Variants in GRIA4 observed in about 807,000 individuals in gnomAD.
The protein encoded by GRIA4 is glutamate ionotropic receptor AMPA type subunit 4, also known as glutamate receptor 4.
In GRIA4, 34 loss-of-function variants were observed where a neutral mutation model predicts 104.0. That is an observed-to-expected ratio of 0.33 (90% CI 0.25 to 0.44). GRIA4 has a LOEUF of 0.44. Ranked by LOEUF, GRIA4 falls within the 20% of genes least tolerant of loss-of-function variation. The pLI, the probability that GRIA4 is intolerant of heterozygous loss-of-function variation, is 1.00. For missense variants in GRIA4, 750 were observed against 1,096.5 expected (o/e 0.68, Z 4.46); for synonymous variants, 386 against 381.9 (o/e 1.01, Z -0.13).
At chr11:105,781,632 C>A (rs970960896) in intron 4 of GRIA4, among the ~76,000 whole-genome samples, 1 of 152,054 alleles carries the variant, frequency 6.6e-6, no homozygotes, top group African/African-American at 2.4e-5. Flanking sequence ...AAAAAATTTA[C>A]CTCATTGGTA....
chr11:105,620,806 A>C (rs1950724432), intron 3 of GRIA4, among the ~76,000 whole-genome samples: 1 of 151,838 alleles, frequency 6.6e-6, no homozygotes, highest in Non-Finnish European at 1.5e-5. Context: ...TTTTTATAGA[A>C]AAATTATTTG....
intron 4 of GRIA4, among the ~76,000 whole-genome samples, chr11:105,809,440 T>C (rs1383188909): frequency 1.3e-5 from 2 of 152,186 alleles, no homozygotes; most frequent in Non-Finnish European, 2.9e-5. Context: ...ATTGTGCTAC[T>C]AATATGGTTT....
intron 4 of GRIA4, among the ~76,000 whole-genome samples, chr11:105,773,053 G>T (rs1308603921): frequency 6.6e-6 from 1 of 152,108 alleles, no homozygotes; most frequent in East Asian, 1.9e-4. Context: ...AAGCCACAGA[G>T]AATTTTAAGC....
At chr11:105,794,771 T>C (rs1424824730) in intron 4 of GRIA4, among the ~76,000 whole-genome samples, 1 of 151,218 alleles carries the variant, frequency 6.6e-6, no homozygotes, top group African/African-American at 2.4e-5. Flanking sequence ...AACTTCTAGA[T>C]AGGAAAAAAA....
chr11:105,661,569 A>C (rs767297104), intron 3 of GRIA4, among the ~76,000 whole-genome samples: 1 of 151,766 alleles, frequency 6.6e-6, no homozygotes, highest in Non-Finnish European at 1.5e-5. Flanking sequence ...ATCATATTAC[A>C]TAAGAAAATG....
At chr11:105,818,943 C>G (rs1043296062) in intron 4 of GRIA4, among the ~76,000 whole-genome samples, 5 of 152,038 alleles carry the variant, frequency 3.3e-5, no homozygotes, top group African/African-American at 1.2e-4. Context: ...AGTCAAGCTA[C>G]GTTAATTAGG....
At chr11:105,923,172 G>A (rs1186579822) in intron 11 of GRIA4, among the ~76,000 whole-genome samples, 1 of 152,102 alleles carries the variant, frequency 6.6e-6, no homozygotes, top group Non-Finnish European at 1.5e-5. Context: ...GAATTTGTAT[G>A]TCTGAGCATG....
At chr11:105,845,416 T>G (rs1944546775) in intron 4 of GRIA4, among the ~76,000 whole-genome samples, 1 of 152,134 alleles carries the variant, frequency 6.6e-6, no homozygotes, top group Non-Finnish European at 1.5e-5. Context: ...CTAGCCTGCC[T>G]GGAGACAAGG....
At chr11:105,621,316 G>C (rs1950739216) in intron 3 of GRIA4, among the ~76,000 whole-genome samples, 1 of 150,488 alleles carries the variant, frequency 6.6e-6, no homozygotes, top group Non-Finnish European at 1.5e-5. Context: ...TAAAAAGTTA[G>C]AATATTCCTT....
At chr11:105,971,293 T>C (rs1209843638) in intron 14 of GRIA4, among the ~76,000 whole-genome samples, 4 of 152,226 alleles carry the variant, frequency 2.6e-5, no homozygotes, top group African/African-American at 9.6e-5. Flanking sequence ...AGTATCATCA[T>C]GGGCTTACGC....
intron 3 of GRIA4, among the ~76,000 whole-genome samples, chr11:105,664,280 T>C (rs75907004): frequency 1.3e-5 from 2 of 149,290 alleles, no homozygotes; most frequent in Non-Finnish European, 3.0e-5. Flanking sequence ...AAAAAAGAAG[T>C]GCAAATGAAG....
At chr11:105,955,041 T>G (rs1174092966) in intron 14 of GRIA4, among the ~76,000 whole-genome samples, 1 of 151,736 alleles carries the variant, frequency 6.6e-6, no homozygotes. Flanking sequence ...TTAGGATTGA[T>G]TGCTCTAAGG....
At position 105,731,422 on chromosome 11, in the gene GRIA4, T is replaced by C. The variant is rs7946193; in HGVS notation, c.248-21559T>C. Among the ~76,000 whole-genome samples, 788 of 152,236 alleles carry C rather than the reference T, an allele frequency of 5.2e-3. 10 individuals are homozygous for C. Among genetic ancestry groups the C allele is most frequent in the African/African-American group, 0.018 (749 of 41,528 alleles). ...GAGAAATAGGAACACTTTTACACTGTTGGTGGGAGTGTAAATTAGTTCAAC... is the reference window on the plus strand; with the variant it reads ...GAGAAATAGGAACACTTTTACACTGCTGGTGGGAGTGTAAATTAGTTCAAC... On this transcript the variant is annotated intron_variant, in intron 3 of 16. Coordinates refer to ENST00000282499, the MANE Select transcript of GRIA4 (RefSeq NM_000829.4).
intron 4 of GRIA4, among the ~76,000 whole-genome samples, chr11:105,844,618 C>G (rs377749828): frequency 6.6e-6 from 1 of 152,178 alleles, no homozygotes; most frequent in Non-Finnish European, 1.5e-5. Flanking sequence ...ATTTTTAGGA[C>G]TTATGTCACT....
intron 9 of GRIA4, 106 bp from the exon 10 acceptor site, chr11:105,910,328 CT>C: frequency 1.6e-6 from 1 of 611,130 alleles, no homozygotes; most frequent in Non-Finnish European, 2.9e-6. Flanking sequence ...GTTTTGTTTG[CT>C]TACATTTGTT....
chr11:105,753,533 T>A (rs1264137306), intron 4 of GRIA4, among the ~76,000 whole-genome samples: 1 of 152,176 alleles, frequency 6.6e-6, no homozygotes, highest in East Asian at 1.9e-4. Context: ...TTCTGTGACC[T>A]CTGGTCACCA....
intron 14 of GRIA4, among the ~76,000 whole-genome samples, chr11:105,937,083 T>A (rs1189044676): frequency 6.6e-6 from 1 of 152,164 alleles, no homozygotes; most frequent in Admixed American, 6.6e-5. Context: ...GTGCCATGGT[T>A]TTCTTTCTCC....
intron 5 of GRIA4, among the ~76,000 whole-genome samples, chr11:105,881,984 T>G (rs997467210): frequency 6.6e-6 from 1 of 152,240 alleles, no homozygotes; most frequent in Non-Finnish European, 1.5e-5. Flanking sequence ...GACCCTTGCC[T>G]TATATTTTTC....
At chr11:105,770,483 C>A (rs556711969) in intron 4 of GRIA4, among the ~76,000 whole-genome samples, 4 of 152,168 alleles carry the variant, frequency 2.6e-5, no homozygotes, top group East Asian at 3.9e-4. Flanking sequence ...ACTTCACTCA[C>A]CCAAAATAAA....
Sources: allele counts gnomAD v4.1 joint callset (sites outside exome capture counted in the v4.1 genomes callset), GRCh38; gene constraint gnomAD v4.1.1; transcripts MANE v1.5; gene names NCBI Gene and HGNC (gene_info 2026-07-23, HGNC 2026-07-21).